The following CDH18 variants were observed in gnomAD, a reference collection of about 807,000 sequenced individuals.
CDH18 encodes the protein cadherin 18.
CDH18 carries 31 observed loss-of-function variants against 67.9 expected under a neutral mutation model. The ratio of observed to expected loss-of-function variants is 0.46; its 90% CI spans 0.34 to 0.62. CDH18 has a LOEUF of 0.62. Ranked by LOEUF, CDH18 falls within the 20% of genes least tolerant of loss-of-function variation. CDH18 has a pLI of 0.01. For synonymous variants in CDH18, 362 were observed against 347.2 expected (o/e 1.04, Z -0.48); for missense variants, 890 against 975.5 (o/e 0.91, Z 1.17).
intron 2 of CDH18, among the ~76,000 whole-genome samples, chr5:20,034,289 C>T (rs1452053433): frequency 6.6e-6 from 1 of 151,926 alleles, no homozygotes; most frequent in Non-Finnish European, 1.5e-5. Context: ...TTAAAAATTC[C>T]ACTGTGATGC....
intron 1 of CDH18, among the ~76,000 whole-genome samples, chr5:20,291,732 A>G (rs1037134828): frequency 6.6e-6 from 1 of 152,220 alleles, no homozygotes; most frequent in Non-Finnish European, 1.5e-5. Context: ...AGAAAGGAAA[A>G]GGACATAGTT....
chr5:19,748,141 T>G (rs567865921), intron 3 of CDH18, among the ~76,000 whole-genome samples: 682 of 50,318 alleles, frequency 0.014, 7 homozygotes, highest in Non-Finnish European at 0.018. Context: ...AAAGAGTACT[T>G]TTTTAGGGAT....
At chr5:19,997,797 T>A (rs2150396461) in intron 2 of CDH18, among the ~76,000 whole-genome samples, 1 of 152,258 alleles carries the variant, frequency 6.6e-6, no homozygotes, top group South Asian at 2.1e-4. Context: ...TTCACCATAA[T>A]GCAATACTAT....
In CDH18 at chr5:20,554,721, CA is replaced by C. The variant is rs112933944; in HGVS notation, c.-580+20740del. Reference sequence around the variant, plus strand: ...ACTTTAATCTGGATAGGCTTGTAACCAATAGAAACCTGCAGTAGTGAGTGGA... The same window carrying C: ...ACTTTAATCTGGATAGGCTTGTAACCATAGAAACCTGCAGTAGTGAGTGGA... On this transcript the variant is annotated intron_variant, in intron 1 of 14. Transcript: ENST00000507958. Among the ~76,000 whole-genome samples, 521 of 152,188 alleles carry C rather than the reference CA, an allele frequency of 3.4e-3. 3 individuals are homozygous for C. The highest frequency in any genetic ancestry group is 0.012 in the African/African-American group (484 of 41,520).
chr5:20,428,660 G>A (rs559935511), intron 1 of CDH18, among the ~76,000 whole-genome samples: 24 of 152,118 alleles, frequency 1.6e-4, no homozygotes, highest in East Asian at 5.8e-4. Context: ...ATGGTATCTC[G>A]TCGTGGTTTT....
At chr5:19,937,385 C>T (rs981251805) in intron 2 of CDH18, among the ~76,000 whole-genome samples, 5 of 151,378 alleles carry the variant, frequency 3.3e-5, no homozygotes, top group Admixed American at 6.6e-5. Context: ...ATGTGATTTA[C>T]ATATGGCCCT....
chr5:19,523,569 GA>G (rs199704205), intron 9 of CDH18, among the ~76,000 whole-genome samples: 2,205 of 151,196 alleles, frequency 0.015, 23 homozygotes, highest in South Asian at 0.031. Flanking sequence ...AAATAAACAT[GA>G]AAAAAAATCA....
At chr5:20,519,380 A>G (rs1430814325) in intron 1 of CDH18, among the ~76,000 whole-genome samples, 1 of 152,058 alleles carries the variant, frequency 6.6e-6, no homozygotes, top group Admixed American at 6.6e-5. Flanking sequence ...ACAAAAAACC[A>G]AACACCGCAT....
chr5:19,713,944 G>C (rs1283435066), intron 5 of CDH18, among the ~76,000 whole-genome samples: 4 of 152,082 alleles, frequency 2.6e-5, no homozygotes, highest in Non-Finnish European at 5.9e-5. Flanking sequence ...ACCTGCCTGG[G>C]CAGTGCACTG....
intron 12 of CDH18, among the ~76,000 whole-genome samples, chr5:19,480,733 A>G (rs1739290112): frequency 6.6e-6 from 1 of 151,664 alleles, no homozygotes. Flanking sequence ...CATTTACTGT[A>G]CATATTTATT....
intron 5 of CDH18, among the ~76,000 whole-genome samples, chr5:19,651,104 T>C (rs1189486402): frequency 6.6e-6 from 1 of 151,996 alleles, no homozygotes. Context: ...TTTAGTAAAT[T>C]AGCCTCAGTC....
intron 2 of CDH18, among the ~76,000 whole-genome samples, chr5:20,140,474 A>C (rs1454306846): frequency 6.6e-6 from 1 of 152,134 alleles, no homozygotes. Flanking sequence ...AATAAAAATA[A>C]AATAAAATAT....
chr5:20,549,149 T>C (rs937152382), intron 1 of CDH18, among the ~76,000 whole-genome samples: 2 of 152,158 alleles, frequency 1.3e-5, no homozygotes, highest in African/African-American at 2.4e-5. Context: ...GATTCTCAAA[T>C]ATAGATTCAT....
intron 1 of CDH18, among the ~76,000 whole-genome samples, chr5:20,405,739 A>G (rs570926334): frequency 6.6e-6 from 1 of 152,354 alleles, no homozygotes; most frequent in Admixed American, 6.5e-5. Context: ...ACAAATTTAC[A>G]AGAAAATAAA....
chr5:19,536,373 C>A (rs1291743193), intron 9 of CDH18, among the ~76,000 whole-genome samples: 2 of 152,116 alleles, frequency 1.3e-5, no homozygotes, highest in African/African-American at 4.8e-5. Context: ...AAACAGGTCA[C>A]TGAAAGATGA....
chr5:19,861,142 T>G (rs950430338), intron 2 of CDH18, among the ~76,000 whole-genome samples: 1 of 152,216 alleles, frequency 6.6e-6, no homozygotes, highest in African/African-American at 2.4e-5. Context: ...AGTGAAGGTC[T>G]CAGTGCCTCA....
At chr5:20,408,377 T>A (rs191228426) in intron 1 of CDH18, among the ~76,000 whole-genome samples, 283 of 152,156 alleles carry the variant, frequency 1.9e-3, no homozygotes, top group African/African-American at 6.7e-3. Context: ...TGCATTTTTT[T>A]AATCTTGGGG....
intron 2 of CDH18, among the ~76,000 whole-genome samples, chr5:20,159,912 TGAC>T (rs1250250550): frequency 6.6e-6 from 1 of 152,162 alleles, no homozygotes; most frequent in East Asian, 1.9e-4. Flanking sequence ...TCTTTAAATC[TGAC>T]CTCTCACCAA....
rs538618347 is a variant in CDH18 at position 20,032,121 on chromosome 5, C to G, written c.-517-40107G>C. 2.1e-4 allele frequency among the ~76,000 whole-genome samples: 32 copies of G among 151,950 alleles called. No individual in the cohort carries two copies. In the East Asian group the frequency reaches 6.0e-3, roughly 28 times the overall value. On this transcript the variant is annotated intron_variant, in intron 2 of 14. Coordinates refer to the CDH18 transcript ENST00000507958. ...TTTCTTCTTTATCCTCAAAAAATGA[C>G]AGTATGTATGTAGCAGTTAATAAAA...
Sources: allele counts gnomAD v4.1 joint callset (sites outside exome capture counted in the v4.1 genomes callset), GRCh38; gene constraint gnomAD v4.1.1; transcripts MANE v1.5; gene names NCBI Gene and HGNC (gene_info 2026-07-23, HGNC 2026-07-21).